Variants in MBNL1 observed in about 807,000 individuals in gnomAD.
MBNL1 encodes muscleblind like splicing regulator 1.
In MBNL1, 8 loss-of-function variants were observed where a neutral mutation model predicts 42.2. That is an observed-to-expected ratio of 0.19 (90% CI 0.11 to 0.34). MBNL1 has a LOEUF of 0.34. Among genes scored for constraint, MBNL1 ranks in the 10% least tolerant of loss-of-function variants. The probability of loss-of-function intolerance (pLI) is 1.00; values close to 1 mark genes in which losing one functional copy is unlikely to be tolerated. For missense variants in MBNL1, 309 were observed against 495.3 expected (o/e 0.62, Z 3.57); for synonymous variants, 169 against 173.9 (o/e 0.97, Z 0.22).
rs538159243 is a variant in MBNL1, at chr3:152,348,010, C to CAATG, written c.174+47644_174+47645insATGA. Among the ~76,000 whole-genome samples, 93 of 152,126 alleles carry CAATG rather than the reference C, an allele frequency of 6.1e-4. No individual in the cohort carries two copies. The South Asian group carries it at 0.019, about 31-fold the overall frequency. ...ATAAATTTTAATCTATTTAGAATAA[C>CAATG]AGGTGGGTGAAAAGAATACAGACTT... is the stretch of plus-strand genomic sequence containing the variant. On this transcript the variant is annotated intron_variant, in intron 2 of 9. Transcript: ENST00000324210.
intron 5 of MBNL1, chr3:152,446,775 C>G (rs2099232899): frequency 1.2e-6 from 2 of 1,606,200 alleles, no homozygotes; most frequent in South Asian, 1.1e-5. Flanking sequence ...GACCTTTCAC[C>G]TTTTAGCTTG....
chr3:152,300,411 T>G (rs2060222556), intron 2 of MBNL1, 44 bp downstream of exon 2: 1 of 1,505,424 alleles, frequency 6.6e-7, no homozygotes, highest in Non-Finnish European at 9.2e-7. Context: ...AATGATTGAA[T>G]GAGGGGTATA....
At chr3:152,338,071 A>C (rs926581105) in intron 2 of MBNL1, 4 of 940,518 alleles carry the variant, frequency 4.3e-6, no homozygotes, top group Admixed American at 6.2e-5. Flanking sequence ...TTTAACCATA[A>C]ATGCCGTAGG....
At position 152,370,570 on chromosome 3, in the gene MBNL1, G is replaced by A. The variant is rs968949552; in HGVS notation, c.175-44371G>A. ...AATATCCTTGTTAATTTTCTGTCTC[G>A]TTGATCTGTCTAATATTGACAGTGG... On this transcript the variant is annotated intron_variant, in intron 2 of 9. Transcript: ENST00000324210. 3.4e-4 allele frequency among the ~76,000 whole-genome samples: 51 copies of A among 152,192 alleles called. 1 individual carries two copies. Among genetic ancestry groups the A allele is most frequent in the South Asian group, 2.1e-4 (1 of 4,820 alleles).
At chr3:152,397,722 A>T (rs1331225234) in intron 2 of MBNL1, among the ~76,000 whole-genome samples, 3 of 152,172 alleles carry the variant, frequency 2.0e-5, no homozygotes, top group Non-Finnish European at 2.9e-5. Flanking sequence ...CCTATTGACT[A>T]ACATATTATA....
At chr3:152,289,795 T>G (rs1205695074) in intron 1 of MBNL1, among the ~76,000 whole-genome samples, 1 of 152,070 alleles carries the variant, frequency 6.6e-6, no homozygotes, top group Non-Finnish European at 1.5e-5. Context: ...GTGGCTTGAG[T>G]ATTTGTAAGT....
intron 9 of MBNL1, among the ~76,000 whole-genome samples, chr3:152,461,420 T>G (rs1425457466): frequency 6.6e-6 from 1 of 152,242 alleles, no homozygotes; most frequent in Non-Finnish European, 1.5e-5. Context: ...GAGGTTTTTT[T>G]GACATGCCAG....
intron 1 of MBNL1, among the ~76,000 whole-genome samples, chr3:152,278,842 G>A (rs1275627365): frequency 6.6e-6 from 1 of 152,102 alleles, no homozygotes; most frequent in Non-Finnish European, 1.5e-5. Context: ...GGTCACAAGA[G>A]GGAGATCGAA....
rs76465541 is a variant in MBNL1, at chr3:152,269,916, C to CTT, written c.-790+839_-790+840dup. The stretch of plus-strand genomic sequence containing the variant: ...GGACAAATATGTAGCCACCCCCCAA[C>CTT]TTTTTTTTTTTTTTTTAAACGGAGC... On this transcript the variant is annotated intron_variant, in intron 1 of 9. Transcript: ENST00000324210. 1.7e-4 allele frequency: 17 copies of CTT among 101,428 alleles called. No homozygotes were observed. In the South Asian group the frequency reaches 1.8e-3, roughly 11 times the overall value. 6.3% of individuals were successfully genotyped at this position (101,428 alleles called of 1,614,324 possible).
chr3:152,312,429 T>A (rs2067313217), intron 2 of MBNL1, among the ~76,000 whole-genome samples: 1 of 152,200 alleles, frequency 6.6e-6, no homozygotes, highest in Non-Finnish European at 1.5e-5. Flanking sequence ...AGACAGCCAA[T>A]TAGAAATATA....
chr3:152,425,599 A>G (rs1176974923), intron 3 of MBNL1, among the ~76,000 whole-genome samples: 1 of 151,370 alleles, frequency 6.6e-6, no homozygotes, highest in Non-Finnish European at 1.5e-5. Flanking sequence ...CAGAGAGAGG[A>G]TCTGTCTCAG....
chr3:152,299,939 A>C lies in MBNL1; in HGVS notation c.-255A>C. 1 of 462,822 alleles carries C rather than the reference A, an allele frequency of 2.2e-6. No homozygotes were observed. The highest frequency in any genetic ancestry group is 3.8e-6 in the Non-Finnish European group (1 of 264,346). The allele number at this position is 462,822 out of a possible 1,614,324, so 28.7% of individuals were successfully genotyped here. A position where few individuals can be genotyped will look rare whatever the true frequency, so the allele number is the denominator to read the frequency against. ...TACTTTTAAACGTTCATCTACTTAC[A>C]ATCCTAGTATTTCTCTAAAAACCAA... On this transcript the variant is annotated 5_prime_UTR_variant, in exon 2 of 10. Coordinates refer to ENST00000324210, the MANE Select transcript of MBNL1 (RefSeq NM_021038.5).
At chr3:152,435,788 T>G (rs2099070930) in intron 4 of MBNL1, among the ~76,000 whole-genome samples, 1 of 152,222 alleles carries the variant, frequency 6.6e-6, no homozygotes, top group Non-Finnish European at 1.5e-5. Context: ...CCTAAGTATT[T>G]TATTCTTTTT....
intron 9 of MBNL1, among the ~76,000 whole-genome samples, chr3:152,461,432 A>G (rs878937617): frequency 3.3e-5 from 5 of 152,238 alleles, no homozygotes; most frequent in Admixed American, 3.3e-4. Context: ...ACATGCCAGA[A>G]AAATCTGTTT....
chr3:152,296,656 T>C (rs2151297144), intron 1 of MBNL1, among the ~76,000 whole-genome samples: 1 of 146,834 alleles, frequency 6.8e-6, no homozygotes, highest in East Asian at 2.0e-4. Flanking sequence ...AACATAATAA[T>C]TTATAGAGGC....
chr3:152,438,654 G>A (rs2099109103), intron 4 of MBNL1, among the ~76,000 whole-genome samples: 1 of 152,176 alleles, frequency 6.6e-6, no homozygotes, highest in South Asian at 2.1e-4. Flanking sequence ...TAGATCTGCA[G>A]TGGGGTTTGA....
At chr3:152,269,144 G>T (rs1244002886) in intron 1 of MBNL1, 52 bp downstream of exon 1, 1 of 436,956 alleles carries the variant, frequency 2.3e-6, no homozygotes, top group African/African-American at 2.0e-5. Context: ...TTCGGACTCC[G>T]GCGGGTCTGC....
chr3:152,282,614 G>A (rs2049135792), intron 1 of MBNL1, among the ~76,000 whole-genome samples: 1 of 151,744 alleles, frequency 6.6e-6, no homozygotes, highest in Non-Finnish European at 1.5e-5. Flanking sequence ...GGCCATTGCA[G>A]AAATAGTGAC....
At chr3:152,303,458 G>A (rs1185779220) in intron 2 of MBNL1, among the ~76,000 whole-genome samples, 1 of 152,088 alleles carries the variant, frequency 6.6e-6, no homozygotes, top group Non-Finnish European at 1.5e-5. Context: ...AGGTGTATTA[G>A]CTATTTCAGA....
Sources: allele counts gnomAD v4.1 joint callset (sites outside exome capture counted in the v4.1 genomes callset), GRCh38; gene constraint gnomAD v4.1.1; transcripts MANE v1.5; gene names NCBI Gene and HGNC (gene_info 2026-07-23, HGNC 2026-07-21).